The following PTPRS variants were observed in gnomAD, a reference collection of about 807,000 sequenced individuals.
PTPRS encodes the protein protein tyrosine phosphatase receptor type S.
In PTPRS, 63 loss-of-function variants were observed where a neutral mutation model predicts 215.3. That is an observed-to-expected ratio of 0.29 (90% CI 0.24 to 0.36). The LOEUF (loss-of-function observed/expected upper bound fraction) is 0.36. Among genes scored for constraint, PTPRS ranks in the 10% least tolerant of loss-of-function variants. The pLI is 1.00. For missense variants in PTPRS, 2,258 were observed against 2,825.8 expected (o/e 0.80, Z 4.56); for synonymous variants, 1,404 against 1,191.4 (o/e 1.18, Z -3.68).
At chr19:5,306,834 AATTGGCTATT>A (rs1160183874) in intron 1 of PTPRS, among the ~76,000 whole-genome samples, 1 of 152,210 alleles carries the variant, frequency 6.6e-6, no homozygotes, top group African/African-American at 2.4e-5. Flanking sequence ...CCGAGGAGAC[AATTGGCTATT>A]ATCTTCCGAA....
At position 5,338,426 on chromosome 19, in the gene PTPRS, C is replaced by T. The variant is rs2050577377; in HGVS notation, c.-95+2238G>A. Among the ~76,000 whole-genome samples, 2 of 152,128 alleles carry T rather than the reference C, an allele frequency of 1.3e-5. No homozygotes were observed. The highest frequency in any genetic ancestry group is 2.9e-5 in the Non-Finnish European group (2 of 68,016). ...CCGGGCCTGGGGAACAGGGCAGGAC[C>T]CTGCTTCCCGGAGGGAAATAATGAA... On this transcript the variant is annotated intron_variant, in intron 1 of 37. Transcript: ENST00000262963. This position sits in a 1 kb window ranked among gnomAD's most constrained non-coding sequence, Gnocchi z 4.2.
At chr19:5,229,182 G>C (rs2042782590) in intron 16 of PTPRS, 134 bp downstream of exon 16, 8 of 1,030,248 alleles carry the variant, frequency 7.8e-6, no homozygotes, top group Non-Finnish European at 1.0e-5. Flanking sequence ...TAATGGGAGA[G>C]CGAGGGGCGC....
chr19:5,215,740 G>A (rs2041376131), intron 26 of PTPRS, 145 bp from the exon 27 acceptor site: 2 of 650,414 alleles, frequency 3.1e-6, no homozygotes, highest in Non-Finnish European at 5.3e-6. Context: ...GGCAGGAGGG[G>A]AAGACTCAGG....
At position 5,269,746 on chromosome 19, in the gene PTPRS, C is replaced by T. The variant is rs186016545; in HGVS notation, c.379+3696G>A. Among the ~76,000 whole-genome samples, 245 of 152,102 alleles carry T rather than the reference C, an allele frequency of 1.6e-3. 1 individual carries two copies. The highest frequency in any genetic ancestry group is 5.6e-3 in the African/African-American group (233 of 41,492). On this transcript the variant is annotated intron_variant, in intron 4 of 37. Coordinates refer to ENST00000262963, the MANE Select transcript of PTPRS (RefSeq NM_002850.4). The stretch of plus-strand genomic sequence containing the variant: ...GACCAGTCTGACCAACATGGCGAAA[C>T]ACTGTGTCTACTAAAAATACAAAAA...
intron 12 of PTPRS, among the ~76,000 whole-genome samples, chr19:5,239,771 G>A (rs1420865384): frequency 1.3e-5 from 2 of 151,872 alleles, no homozygotes; most frequent in Non-Finnish European, 2.9e-5. Context: ...GAGGCAGAGG[G>A]ATAGAAACAC....
intron 13 of PTPRS, among the ~76,000 whole-genome samples, chr19:5,234,658 C>T (rs1191427579): frequency 1.3e-5 from 2 of 152,058 alleles, no homozygotes; most frequent in Non-Finnish European, 2.9e-5. Flanking sequence ...CAGTAGTAGT[C>T]CCTGCATATT....
At position 5,279,962 on chromosome 19, in the gene PTPRS, C is replaced by A. The variant is rs1031551037; in HGVS notation, c.92-5618G>T. 2.6e-5 allele frequency among the ~76,000 whole-genome samples: 4 copies of A among 152,030 alleles called. No homozygotes were observed. In the South Asian group the frequency reaches 8.3e-4, roughly 32 times the overall value. Reference sequence around the variant, plus strand: ...CCTCCCAAAGTGCTGGGATTACAGGCGTGAGCCACCACGCCCAGCCTGAAG... The same window carrying A: ...CCTCCCAAAGTGCTGGGATTACAGGAGTGAGCCACCACGCCCAGCCTGAAG... On this transcript the variant is annotated intron_variant, in intron 2 of 37. Transcript: ENST00000262963.
intron 1 of PTPRS, among the ~76,000 whole-genome samples, chr19:5,292,557 G>GC (rs2048908676): frequency 6.6e-6 from 1 of 152,188 alleles, no homozygotes; most frequent in Non-Finnish European, 1.5e-5. Flanking sequence ...AACACCACAG[G>GC]CCCCTCCCTG....
chr19:5,282,209 G>A (rs1019342841), intron 2 of PTPRS, among the ~76,000 whole-genome samples: 4 of 152,052 alleles, frequency 2.6e-5, no homozygotes, highest in Admixed American at 1.3e-4. Flanking sequence ...TCTACCTCTC[G>A]GAAGCACCCC....
Position 5,214,544 on chromosome 19 carries a change from T to TG in PTPRS, c.4494+16dup. 1 of 1,612,134 alleles carries TG rather than the reference T, an allele frequency of 6.2e-7. No homozygotes were observed. Among genetic ancestry groups the TG allele is most frequent in the South Asian group, 1.1e-5 (1 of 91,066 alleles). On this transcript the variant is annotated intron_variant, in intron 29 of 37. Transcript: ENST00000262963. The stretch of plus-strand genomic sequence containing the variant: ...CTGACTGGCAGGGGCTTGAGGGCCG[T>TG]GGGGTCCAAGGCTCACCCGTGACTT...
chr19:5,229,439 G>C, intron 15 of PTPRS, 52 bp downstream of exon 15: 4 of 1,368,692 alleles, frequency 2.9e-6, no homozygotes, highest in Non-Finnish European at 3.8e-6. Flanking sequence ...GAGCGCAAGG[G>C]CCCGTCCCCG....
Position 5,258,136 on chromosome 19 carries a change from A to G in PTPRS, c.596-9T>C. 1.2e-6 allele frequency: 2 copies of G among 1,611,890 alleles called. No individual in the cohort carries two copies. The highest frequency in any genetic ancestry group is 1.7e-6 in the Non-Finnish European group (2 of 1,177,942). Reference sequence around the variant, plus strand: ...TTCAATCTGCAGGGCTCCTGTGGGAAGATGGGAAAAAGCTTGGTCTGTTAG... The same window carrying G: ...TTCAATCTGCAGGGCTCCTGTGGGAGGATGGGAAAAAGCTTGGTCTGTTAG... On this transcript the variant is annotated splice_polypyrimidine_tract_variant and intron_variant, in intron 7 of 37. Coordinates refer to ENST00000262963, the MANE Select transcript of PTPRS (RefSeq NM_002850.4).
intron 4 of PTPRS, among the ~76,000 whole-genome samples, chr19:5,266,450 TTTTA>T (rs564375824): frequency 1.3e-5 from 2 of 151,992 alleles, no homozygotes; most frequent in Admixed American, 6.6e-5. Context: ...CGTTTTTATT[TTTTA>T]TTTATTTATT....
At chr19:5,289,032 G>A (rs1485183431) in intron 1 of PTPRS, among the ~76,000 whole-genome samples, 1 of 152,138 alleles carries the variant, frequency 6.6e-6, no homozygotes, top group African/African-American at 2.4e-5. Context: ...TGGGGCATTG[G>A]ATGATGTATC....
At chr19:5,230,171 C>T (rs1245289015) in intron 14 of PTPRS, among the ~76,000 whole-genome samples, 1 of 152,218 alleles carries the variant, frequency 6.6e-6, no homozygotes, top group African/African-American at 2.4e-5. Flanking sequence ...GGATCTTTTT[C>T]ACCCACCCCA....
chr19:5,305,763 ATATTT>A (rs1460317943), intron 1 of PTPRS, among the ~76,000 whole-genome samples: 1 of 113,694 alleles, frequency 8.8e-6, no homozygotes, highest in African/African-American at 4.3e-5. Context: ...ATATATATAT[ATATTT>A]TTTTTTTAAA....
chr19:5,293,876 T>C lies in PTPRS; in HGVS notation c.-94-7642A>G, dbSNP rs1169601696. Among the ~76,000 whole-genome samples, 1 of 151,742 alleles carries C rather than the reference T, an allele frequency of 6.6e-6. No homozygotes were observed. The highest frequency in any genetic ancestry group is 1.5e-5 in the Non-Finnish European group (1 of 67,878). On this transcript the variant is annotated intron_variant, in intron 1 of 37. Transcript: ENST00000262963. The surrounding 1 kb of genome is among the most constrained non-coding windows in gnomAD (Gnocchi z 8.4). ...AGGGGGCGGAGAGCACAGGGCCAGA[T>C]TGGAAACAGATGGGGCCGCCGTGCC...
At chr19:5,327,126 C>T (rs1484904060) in intron 1 of PTPRS, among the ~76,000 whole-genome samples, 3 of 152,190 alleles carry the variant, frequency 2.0e-5, no homozygotes, top group Non-Finnish European at 4.4e-5. Flanking sequence ...ACTCGGTCTG[C>T]GCAGGGCTTG....
intron 9 of PTPRS, among the ~76,000 whole-genome samples, chr19:5,249,027 G>A (rs1481176001): frequency 6.6e-6 from 1 of 152,226 alleles, no homozygotes; most frequent in African/African-American, 2.4e-5. Context: ...AAAAGGAAAT[G>A]GAGGCAGGCG....
Sources: gnomAD v4.1 joint callset for allele counts (sites outside exome capture counted in the v4.1 genomes callset) on GRCh38, gnomAD v4.1.1 for gene constraint, Gnocchi (gnomAD v3.1) non-coding constraint, MANE v1.5 for transcripts, NCBI Gene and HGNC (gene_info 2026-07-23, HGNC 2026-07-21) for gene names.